The following GPC5 variants were observed in gnomAD, a reference collection of about 807,000 sequenced individuals.
The protein encoded by GPC5 is glypican-5.
Under a neutral mutation model 53.9 loss-of-function variants are expected in GPC5, and 47 were observed. The observed-to-expected ratio is 0.87, with a 90% confidence interval of 0.69 to 1.11. The LOEUF is 1.11. GPC5 is among the 50% of genes most tolerant of loss of function. The pLI is 0.00. For synonymous variants in GPC5, 286 were observed against 263.3 expected (o/e 1.09, Z -0.84); for missense variants, 748 against 713.1 (o/e 1.05, Z -0.56).
chr13:92,605,590 T>TTA (rs1555294595), intron 7 of GPC5, among the ~76,000 whole-genome samples: 3 of 149,830 alleles, frequency 2.0e-5, no homozygotes, highest in East Asian at 1.9e-4. Context: ...TTTTTTTTTT[T>TTA]TTATTTTTTT....
intron 6 of GPC5, among the ~76,000 whole-genome samples, chr13:92,007,492 A>C (rs541799736): frequency 6.6e-6 from 1 of 152,258 alleles, no homozygotes; most frequent in Admixed American, 6.5e-5. Flanking sequence ...ATTCCACATA[A>C]TAATATATAT....
chr13:91,689,201 A>T (rs187779085), intron 2 of GPC5, among the ~76,000 whole-genome samples: 1 of 108,862 alleles, frequency 9.2e-6, no homozygotes, highest in South Asian at 3.0e-4. Context: ...ATATATATAT[A>T]TATATATATA....
chr13:92,108,325 C>T (rs900303260), intron 6 of GPC5, among the ~76,000 whole-genome samples: 1 of 152,132 alleles, frequency 6.6e-6, no homozygotes, highest in African/African-American at 2.4e-5. Flanking sequence ...CTTGTTTTCA[C>T]ATGTATCGAC....
intron 7 of GPC5, among the ~76,000 whole-genome samples, chr13:92,334,601 C>A (rs1409141885): frequency 1.3e-5 from 2 of 152,100 alleles, no homozygotes; most frequent in African/African-American, 4.8e-5. Context: ...AAGTCCAAAG[C>A]CTCATCTGAG....
intron 7 of GPC5, chr13:92,706,204 C>G (rs1226278785): frequency 1.3e-5 from 2 of 151,938 alleles, no homozygotes; most frequent in African/African-American, 4.8e-5. Flanking sequence ...ACAATTGATT[C>G]ATTTGCCATG....
At chr13:91,461,255 T>C (rs1881912535) in intron 2 of GPC5, among the ~76,000 whole-genome samples, 1 of 152,194 alleles carries the variant, frequency 6.6e-6, no homozygotes, top group African/African-American at 2.4e-5. Context: ...ACTTGAATGT[T>C]AACTTAGGAA....
chr13:92,145,744 T>C (rs2041862581), intron 7 of GPC5, among the ~76,000 whole-genome samples: 4 of 152,152 alleles, frequency 2.6e-5, no homozygotes, highest in Non-Finnish European at 5.9e-5. Context: ...CTAGAATAGC[T>C]GGTTTCAACT....
chr13:92,660,570 ATT>A (rs71123428), intron 7 of GPC5, among the ~76,000 whole-genome samples: 53 of 150,990 alleles, frequency 3.5e-4, no homozygotes, highest in Middle Eastern at 3.4e-3. Context: ...CTTTTCACAT[ATT>A]TTTTTTTGTC....
chr13:91,957,330 C>T (rs1649859737), intron 6 of GPC5, among the ~76,000 whole-genome samples: 1 of 151,994 alleles, frequency 6.6e-6, no homozygotes, highest in Non-Finnish European at 1.5e-5. Flanking sequence ...TGTGGAACAC[C>T]ATAAAGCAAC....
intron 6 of GPC5, among the ~76,000 whole-genome samples, chr13:92,050,973 A>G (rs907976447): frequency 3.9e-5 from 6 of 152,216 alleles, no homozygotes; most frequent in Non-Finnish European, 7.3e-5. Context: ...TTAAAAATAC[A>G]TTTGATAATA....
chr13:92,308,731 A>G (rs2043127165), intron 7 of GPC5, among the ~76,000 whole-genome samples: 1 of 152,102 alleles, frequency 6.6e-6, no homozygotes, highest in African/African-American at 2.4e-5. Flanking sequence ...AGATTTGTGA[A>G]AAAGAGAGAC....
At chr13:91,623,791 TAGAG>T (rs2033929561) in intron 2 of GPC5, among the ~76,000 whole-genome samples, 1 of 152,004 alleles carries the variant, frequency 6.6e-6, no homozygotes, top group East Asian at 1.9e-4. Context: ...AAGTTGATAA[TAGAG>T]AGCAGATAGC....
intron 6 of GPC5, among the ~76,000 whole-genome samples, chr13:91,911,026 C>A (rs2039604916): frequency 6.6e-6 from 1 of 152,048 alleles, no homozygotes; most frequent in South Asian, 2.1e-4. Context: ...AAAGGAGTCA[C>A]AGGAAAACCT....
chr13:91,759,263 G>A (rs917992175), intron 5 of GPC5, among the ~76,000 whole-genome samples: 2 of 151,608 alleles, frequency 1.3e-5, no homozygotes, highest in African/African-American at 4.8e-5. Flanking sequence ...GTACATAGCA[G>A]GTGTATATGG....
intron 2 of GPC5, among the ~76,000 whole-genome samples, chr13:91,649,543 A>G (rs1165785266): frequency 6.6e-6 from 1 of 152,182 alleles, no homozygotes. Flanking sequence ...AAATTAATCA[A>G]TTCTCAGTGC....
chr13:91,478,081 A>G (rs1883034309), intron 2 of GPC5, among the ~76,000 whole-genome samples: 4 of 151,546 alleles, frequency 2.6e-5, no homozygotes, highest in Non-Finnish European at 4.4e-5. Context: ...TGTTCAGAGA[A>G]CCTTTCATAT....
Position 92,818,391 on chromosome 13 carries a change from T to C in GPC5, c.1562-47891T>C, listed in dbSNP as rs577036695. Among the ~76,000 whole-genome samples the C allele has an allele frequency of 3.0e-4, 46 of 152,146 alleles. 2 individuals carry two copies. The highest frequency in any genetic ancestry group is 9.8e-4 in the Admixed American group (15 of 15,292). On this transcript the variant is annotated intron_variant, in intron 7 of 7. Transcript: ENST00000377067. Reference sequence around the variant, plus strand: ...TAATTCTTTATTAAAAAATAATTCTTTATTAAAACTAAAAGCCTTTAATCT... The same window carrying C: ...TAATTCTTTATTAAAAAATAATTCTCTATTAAAACTAAAAGCCTTTAATCT...
chr13:91,906,346 T>C (rs764245689), intron 5 of GPC5, among the ~76,000 whole-genome samples: 5 of 152,036 alleles, frequency 3.3e-5, no homozygotes, highest in South Asian at 4.1e-4. Context: ...TTTTCCCTAG[T>C]CTAAGTCCAC....
intron 7 of GPC5, among the ~76,000 whole-genome samples, chr13:92,651,151 C>T (rs1407626861): frequency 4.6e-5 from 7 of 150,592 alleles, no homozygotes; most frequent in Admixed American, 1.3e-4. Context: ...TGAGCTAATA[C>T]TTAATAAACT....
Sources: allele counts gnomAD v4.1 joint callset (sites outside exome capture counted in the v4.1 genomes callset), GRCh38; gene constraint gnomAD v4.1.1; transcripts MANE v1.5; gene names NCBI Gene and HGNC (gene_info 2026-07-23, HGNC 2026-07-21).